Variants in PLCH1 observed in about 807,000 individuals in gnomAD.
PLCH1 encodes phospholipase C eta 1.
PLCH1 carries 60 observed loss-of-function variants against 126.7 expected under a neutral mutation model. That is an observed-to-expected ratio of 0.47 (90% CI 0.38 to 0.59). The LOEUF (loss-of-function observed/expected upper bound fraction) is 0.59. Among genes scored for constraint, PLCH1 ranks in the 20% least tolerant of loss-of-function variants. The probability of loss-of-function intolerance (pLI) is 0.00; values close to 1 mark genes in which losing one functional copy is unlikely to be tolerated. For synonymous variants in PLCH1, 719 were observed against 734.9 expected, an observed-to-expected ratio of 0.98 and a Z score of 0.35; for missense variants, 1,723 against 2,040.0, an observed-to-expected ratio of 0.84 and a Z score of 2.99.
chr3:155,467,906 G>A (rs527368566), intron 21 of PLCH1, among the ~76,000 whole-genome samples: 69 of 152,224 alleles, frequency 4.5e-4, no homozygotes, highest in African/African-American at 5.5e-4. Context: ...ATAATCATCC[G>A]AAGGCACAAA....
At chr3:155,683,888 A>C (rs1435919362) in intron 2 of PLCH1, among the ~76,000 whole-genome samples, 1 of 152,102 alleles carries the variant, frequency 6.6e-6, no homozygotes, top group Non-Finnish European at 1.5e-5. Context: ...CTTCCTTGGG[A>C]GGTGGAGCTG....
chr3:155,469,577 G>A (rs938860811), intron 21 of PLCH1, among the ~76,000 whole-genome samples: 6 of 152,258 alleles, frequency 3.9e-5, no homozygotes, highest in Non-Finnish European at 7.3e-5. Context: ...GCCCACCACA[G>A]CTCAAGGAGG....
At chr3:155,559,432 C>G (rs1278023971) in intron 8 of PLCH1, among the ~76,000 whole-genome samples, 1 of 151,852 alleles carries the variant, frequency 6.6e-6, no homozygotes, top group African/African-American at 2.4e-5. Context: ...AGAAATAGGT[C>G]AAACACACAA....
chr3:155,528,018 G>A (rs1348614329), intron 10 of PLCH1, among the ~76,000 whole-genome samples: 2 of 151,552 alleles, frequency 1.3e-5, no homozygotes, highest in African/African-American at 2.4e-5. Context: ...GACATCAGGA[G>A]TTCAAGACCA....
At chr3:155,735,317 T>C (rs1296576304) in intron 1 of PLCH1, among the ~76,000 whole-genome samples, 1 of 152,104 alleles carries the variant, frequency 6.6e-6, no homozygotes, top group Non-Finnish European at 1.5e-5. Context: ...CTATCATTAA[T>C]AACAATGTAT....
intron 2 of PLCH1, among the ~76,000 whole-genome samples, chr3:155,697,419 G>A (rs1265695820): frequency 6.6e-6 from 1 of 152,130 alleles, no homozygotes; most frequent in East Asian, 1.9e-4. Flanking sequence ...TCAATGCCCA[G>A]GGTGGCAGAG....
rs1223366639 is a variant in PLCH1, at chr3:155,494,267, G to C, written c.2075-19C>G. On this transcript the variant is annotated intron_variant, in intron 16 of 22. Coordinates refer to ENST00000460012, the MANE Select transcript of PLCH1 (RefSeq NM_014996.4). ...AGTGCCACTGTGCAAGTTGAAAGTG[G>C]GAGAGAATTAGGCAAGATGGTGGCA... 1.2e-6 allele frequency: 2 copies of C among 1,611,668 alleles called. No homozygotes were observed. The highest frequency in any genetic ancestry group is 2.7e-5 in the African/African-American group (2 of 74,830).
chr3:155,572,262 T>G (rs1396408250), intron 6 of PLCH1, among the ~76,000 whole-genome samples: 1 of 152,202 alleles, frequency 6.6e-6, no homozygotes, highest in Non-Finnish European at 1.5e-5. Flanking sequence ...TGTGCTCTGG[T>G]GTATTTGTCT....
At chr3:155,556,556 G>A (rs992651995) in intron 8 of PLCH1, among the ~76,000 whole-genome samples, 1 of 152,152 alleles carries the variant, frequency 6.6e-6, no homozygotes, top group African/African-American at 2.4e-5. Context: ...AATGAGGCTT[G>A]GCTATGATGT....
chr3:155,615,463 T>G (rs1735684255), intron 2 of PLCH1, among the ~76,000 whole-genome samples: 1 of 152,182 alleles, frequency 6.6e-6, no homozygotes. Flanking sequence ...GAAGTCATTA[T>G]ATGAAAAAGA....
intron 6 of PLCH1, among the ~76,000 whole-genome samples, chr3:155,575,981 G>A (rs1729894141): frequency 6.6e-6 from 1 of 152,110 alleles, no homozygotes; most frequent in African/African-American, 2.4e-5. Flanking sequence ...GCGCTTCAAT[G>A]TTCCTGCCTT....
intron 2 of PLCH1, among the ~76,000 whole-genome samples, chr3:155,684,641 G>C (rs1744795099): frequency 1.3e-5 from 2 of 152,102 alleles, no homozygotes. Context: ...GAGGCAGGGA[G>C]ACCTCACTCC....
chr3:155,568,442 A>G, intron 6 of PLCH1, 118 bp from the exon 7 acceptor site: 1 of 487,820 alleles, frequency 2.0e-6, no homozygotes, highest in Non-Finnish European at 3.7e-6. Flanking sequence ...CTAAATGAGC[A>G]TTGTTTGGGG....
chr3:155,566,228 C>T (rs1447563793), intron 7 of PLCH1, among the ~76,000 whole-genome samples: 1 of 124,894 alleles, frequency 8.0e-6, no homozygotes, highest in African/African-American at 2.9e-5. Flanking sequence ...CGTATATATA[C>T]ACATATATAT....
intron 2 of PLCH1, among the ~76,000 whole-genome samples, chr3:155,641,405 T>A: frequency 6.6e-6 from 1 of 152,148 alleles, no homozygotes; most frequent in East Asian, 1.9e-4. Context: ...TTAACTGTGT[T>A]TGATCTACTT....
At chr3:155,570,144 T>C (rs1729004895) in intron 6 of PLCH1, among the ~76,000 whole-genome samples, 2 of 152,164 alleles carry the variant, frequency 1.3e-5, no homozygotes, top group South Asian at 4.1e-4. Context: ...AGAATTGAAA[T>C]GTAAGAGTCA....
chr3:155,457,484 G>A (rs1435563269), intron 21 of PLCH1: 1 of 152,138 alleles, frequency 6.6e-6, no homozygotes, highest in East Asian at 1.9e-4. Context: ...AAGGCCCTAA[G>A]CTACCTGATT....
intron 10 of PLCH1, among the ~76,000 whole-genome samples, chr3:155,542,147 C>A (rs2108395091): frequency 6.6e-6 from 1 of 152,324 alleles, no homozygotes; most frequent in East Asian, 1.9e-4. Flanking sequence ...AAAGGGGTGA[C>A]AGACGGCACC....
At chr3:155,527,020 C>T (rs1302536121) in intron 10 of PLCH1, among the ~76,000 whole-genome samples, 2 of 152,138 alleles carry the variant, frequency 1.3e-5, no homozygotes, top group Non-Finnish European at 2.9e-5. Flanking sequence ...CCAGCATGTC[C>T]ACCCTACTCC....
Sources: allele counts gnomAD v4.1 joint callset (sites outside exome capture counted in the v4.1 genomes callset), GRCh38; gene constraint gnomAD v4.1.1; transcripts MANE v1.5; gene names NCBI Gene and HGNC (gene_info 2026-07-23, HGNC 2026-07-21).